Variants in LMTK2 observed in about 807,000 individuals in gnomAD.
LMTK2 encodes the protein serine/threonine-protein kinase LMTK2.
LMTK2 carries 37 observed loss-of-function variants against 127.5 expected under a neutral mutation model. That is an observed-to-expected ratio of 0.29 (90% CI 0.22 to 0.38). The LOEUF is 0.38. Ranked by LOEUF, LMTK2 falls within the 10% of genes least tolerant of loss-of-function variation. LMTK2 has a pLI of 1.00. For synonymous variants in LMTK2, 819 were observed against 810.1 expected (o/e 1.01, Z -0.19); for missense variants, 1,694 against 1,920.3 (o/e 0.88, Z 2.20).
intron 7 of LMTK2, among the ~76,000 whole-genome samples, chr7:98,176,690 CA>C (rs1231743340): frequency 6.6e-6 from 1 of 151,946 alleles, no homozygotes; most frequent in Non-Finnish European, 1.5e-5. Context: ...ACTAAAAATA[CA>C]AAAAAATTAG....
Position 98,205,594 on chromosome 7 carries a change from T to A in LMTK2, c.*102T>A, listed in dbSNP as rs529380796. 7.1e-6 allele frequency: 9 copies of A among 1,263,590 alleles called. No homozygotes were observed. In the Admixed American group the frequency reaches 9.5e-5, roughly 13 times the overall value. The allele number at this position is 1,263,590 out of a possible 1,614,324, so 78.3% of individuals were successfully genotyped here. On this transcript the variant is annotated 3_prime_UTR_variant, in exon 14 of 14. Coordinates refer to ENST00000297293, the MANE Select transcript of LMTK2 (RefSeq NM_014916.4). ...GACATCCACTCGCCATTTGCTGACA[T>A]GAGATTGGGAGGAAGAATCCAGAGG...
rs1481578948 is a variant in LMTK2 at position 98,147,385 on chromosome 7, ATTTATT to A, written c.377-3992_377-3987del. On this transcript the variant is annotated intron_variant, in intron 3 of 13. Transcript: ENST00000297293. ...AGGTGCACGCTACCACTCCTGACTA[ATTTATT>A]TTTAATTTCTTATAGAGGCAGCATC... Among the ~76,000 whole-genome samples the A allele has an allele frequency of 7.9e-5, 12 of 152,086 alleles. No homozygotes were observed. In the East Asian group the frequency reaches 2.3e-3, roughly 29 times the overall value.
chr7:98,175,249 G>A (rs1368914817), intron 7 of LMTK2, among the ~76,000 whole-genome samples: 1 of 152,214 alleles, frequency 6.6e-6, no homozygotes, highest in African/African-American at 2.4e-5. Context: ...TGAAGAATGG[G>A]CATCAGTTGA....
intron 6 of LMTK2, among the ~76,000 whole-genome samples, chr7:98,161,793 T>G (rs1361289548): frequency 6.6e-6 from 1 of 152,114 alleles, no homozygotes; most frequent in Non-Finnish European, 1.5e-5. Flanking sequence ...CGCCCTCAGG[T>G]GACAAGGCAA....
chr7:98,205,542 C>T lies in LMTK2; in HGVS notation c.*50C>T, dbSNP rs775089399. The T allele has an allele frequency of 5.0e-6, 8 of 1,594,462 alleles. No homozygotes were observed. Among genetic ancestry groups the T allele is most frequent in the African/African-American group, 1.3e-5 (1 of 74,590 alleles). ...GTCCGAGGCTGCTCCCCTGGAGCGGCGCCCCTGCGCCCTCAGCCCGAGCAG... is the reference window on the plus strand; with the variant it reads ...GTCCGAGGCTGCTCCCCTGGAGCGGTGCCCCTGCGCCCTCAGCCCGAGCAG... On this transcript the variant is annotated 3_prime_UTR_variant, in exon 14 of 14. Transcript: ENST00000297293.
chr7:98,131,799 G>A (rs915795934), intron 1 of LMTK2, among the ~76,000 whole-genome samples: 5 of 152,132 alleles, frequency 3.3e-5, no homozygotes, highest in South Asian at 2.1e-4. Context: ...CCTATTACCC[G>A]AAGAGAGCAG....
intron 7 of LMTK2, among the ~76,000 whole-genome samples, chr7:98,174,062 CAAAA>C (rs1328187245): frequency 9.9e-6 from 1 of 100,682 alleles, no homozygotes; most frequent in Non-Finnish European, 2.0e-5. Flanking sequence ...TCTCAAAAAA[CAAAA>C]AACCCTTGAA....
At chr7:98,149,346 C>G (rs1046541094) in intron 3 of LMTK2, among the ~76,000 whole-genome samples, 1 of 152,196 alleles carries the variant, frequency 6.6e-6, no homozygotes, top group Non-Finnish European at 1.5e-5. Context: ...TGGACTTTCT[C>G]CTGGCTCACT....
At chr7:98,191,444 C>T (rs1325659457) in intron 10 of LMTK2, among the ~76,000 whole-genome samples, 170 bp from the exon 11 acceptor site, 2 of 151,526 alleles carry the variant, frequency 1.3e-5, no homozygotes, top group African/African-American at 2.4e-5. Context: ...CCCAGCTGCT[C>T]GGGAGGCTGA....
chr7:98,184,458 G>T (rs1797402652), intron 7 of LMTK2, among the ~76,000 whole-genome samples: 1 of 152,060 alleles, frequency 6.6e-6, no homozygotes, highest in South Asian at 2.1e-4. Flanking sequence ...GTATGTGTGT[G>T]GGGGTGCTCT....
At chr7:98,204,247 G>A in intron 13 of LMTK2, 61 bp downstream of exon 13, 1 of 1,570,940 alleles carries the variant, frequency 6.4e-7, no homozygotes, top group South Asian at 1.1e-5. Context: ...CGCTGCAGCT[G>A]GGAGATGGTG....
intron 11 of LMTK2, among the ~76,000 whole-genome samples, chr7:98,196,451 C>G (rs1183322776): frequency 6.6e-6 from 1 of 152,232 alleles, no homozygotes; most frequent in Non-Finnish European, 1.5e-5. Flanking sequence ...TCCACCGTCT[C>G]TGTGAACTTG....
chr7:98,178,948 C>T (rs2116438572), intron 7 of LMTK2, among the ~76,000 whole-genome samples: 1 of 152,288 alleles, frequency 6.6e-6, no homozygotes, highest in Non-Finnish European at 1.5e-5. Flanking sequence ...CTGAGATGAG[C>T]TCCTGGCCTC....
At chr7:98,122,696 G>A (rs868445715) in intron 1 of LMTK2, among the ~76,000 whole-genome samples, 344 of 3,180 alleles carry the variant, frequency 0.11, no homozygotes, top group African/African-American at 0.12. Flanking sequence ...GTGTGTGTGT[G>A]TGTGTGTGTG....
chr7:98,161,681 G>A (rs1171919981), intron 6 of LMTK2, among the ~76,000 whole-genome samples: 1 of 152,080 alleles, frequency 6.6e-6, no homozygotes, highest in Non-Finnish European at 1.5e-5. Flanking sequence ...AGGTTATTGT[G>A]ATATAAAAAT....
chr7:98,199,911 T>G (rs1262464138), intron 11 of LMTK2, among the ~76,000 whole-genome samples: 1 of 152,210 alleles, frequency 6.6e-6, no homozygotes, highest in African/African-American at 2.4e-5. Context: ...GATGGGGTTT[T>G]TAAAACTCTG....
Position 98,191,760 on chromosome 7 carries a change from A to T in LMTK2, c.1295A>T (p.Asn432Ile), listed in dbSNP as rs1362442412. 6 of 1,614,084 alleles carry T rather than the reference A, an allele frequency of 3.7e-6. No homozygotes were observed. Among genetic ancestry groups the T allele is most frequent in the Non-Finnish European group, 5.1e-6 (6 of 1,180,042 alleles). Residue 432 changes from asparagine (N) to isoleucine (I), a missense_variant, in exon 11 of 14, where the codon AAC (asparagine) becomes ATC (isoleucine). Around this residue, in one of 8 missense-constraint regions of LMTK2, gnomAD observed 216 missense variants for 266.8 expected, o/e 0.81. Coordinates refer to ENST00000297293, the MANE Select transcript of LMTK2 (RefSeq NM_014916.4). ...FEQQWNALKP[N>I]TNSRDSSNNA... Reference sequence around the variant, plus strand: ...CAGCAGTGGAACGCTCTGAAGCCGAACACAAACAGCAGAGACTCCTCCAAC... The same window carrying T: ...CAGCAGTGGAACGCTCTGAAGCCGATCACAAACAGCAGAGACTCCTCCAAC...
chr7:98,121,077 G>C (rs189088524), intron 1 of LMTK2, among the ~76,000 whole-genome samples: 3 of 152,260 alleles, frequency 2.0e-5, no homozygotes, highest in Non-Finnish European at 4.4e-5. Context: ...GATGCAGTCA[G>C]TCTCACACCG....
At chr7:98,138,686 A>C (rs1429067295) in intron 2 of LMTK2, among the ~76,000 whole-genome samples, 1 of 152,180 alleles carries the variant, frequency 6.6e-6, no homozygotes, top group Non-Finnish European at 1.5e-5. Context: ...TTTACACAGA[A>C]ACCTGGCCAT....
Sources: allele counts gnomAD v4.1 joint callset (sites outside exome capture counted in the v4.1 genomes callset), GRCh38; gene constraint gnomAD v4.1.1; regional missense constraint gnomAD v4.1.1; transcripts MANE v1.5; gene names NCBI Gene and HGNC (gene_info 2026-07-23, HGNC 2026-07-21).